Variants in NAALADL2 observed in about 807,000 individuals in gnomAD.
NAALADL2 encodes the protein N-acetylated alpha-linked acidic dipeptidase like 2.
A neutral mutation model predicts 87.2 loss-of-function variants in NAALADL2; 76 were observed. The observed-to-expected ratio is 0.87, with a 90% CI of 0.72 to 1.05. The LOEUF (loss-of-function observed/expected upper bound fraction) is 1.05, where lower values mean the gene tolerates loss of function less well. Ranked by LOEUF, NAALADL2 falls within the 50% of genes least tolerant of loss-of-function variation. The probability of loss-of-function intolerance (pLI) is 0.00; values close to 1 mark genes in which losing one functional copy is unlikely to be tolerated. For missense variants in NAALADL2, 1,089 were observed against 945.8 expected, an observed-to-expected ratio of 1.15 and a Z score of -1.99; for synonymous variants, 354 against 331.0, an observed-to-expected ratio of 1.07 and a Z score of -0.75.
intron 10 of NAALADL2, among the ~76,000 whole-genome samples, chr3:175,617,144 A>C (rs993314132): frequency 6.6e-6 from 1 of 152,104 alleles, no homozygotes. Context: ...CATTGGGAAA[A>C]ATATCAGGTT....
intron 1 of NAALADL2, among the ~76,000 whole-genome samples, chr3:174,888,351 G>T (rs1250498132): frequency 1.3e-5 from 2 of 151,926 alleles, no homozygotes; most frequent in Admixed American, 1.3e-4. Context: ...GACATGAGTT[G>T]ATTCCCATTT....
At chr3:175,102,643 T>C (rs1722410440) in intron 2 of NAALADL2, among the ~76,000 whole-genome samples, 1 of 152,162 alleles carries the variant, frequency 6.6e-6, no homozygotes, top group Admixed American at 6.5e-5. Context: ...AAATACAATC[T>C]CTAGAGATGT....
chr3:174,799,793 G>C (rs1718594430), intron 3 of NAALADL2, among the ~76,000 whole-genome samples: 1 of 152,186 alleles, frequency 6.6e-6, no homozygotes, highest in Non-Finnish European at 1.5e-5. Context: ...ACTTCCTAGA[G>C]ACTTGCTTAA....
At chr3:175,159,768 T>TTTCC (rs1333998791) in intron 2 of NAALADL2, among the ~76,000 whole-genome samples, 1 of 151,858 alleles carries the variant, frequency 6.6e-6, no homozygotes, top group Admixed American at 6.6e-5. Flanking sequence ...TAGCAAATGA[T>TTTCC]TTCCTTCCTT....
At chr3:175,059,734 A>G in intron 1 of NAALADL2, 2 of 304,676 alleles carry the variant, frequency 6.6e-6, no homozygotes, top group South Asian at 3.5e-5. Context: ...GATCAATGTC[A>G]TCATCATCTT....
chr3:175,688,361 A>G (rs1736596066), intron 11 of NAALADL2, among the ~76,000 whole-genome samples: 1 of 152,222 alleles, frequency 6.6e-6, no homozygotes, highest in Non-Finnish European at 1.5e-5. Context: ...TTATTGAATA[A>G]TATTGTGGAA....
chr3:175,562,196 GA>G (rs1393656779), intron 9 of NAALADL2, among the ~76,000 whole-genome samples: 19 of 152,134 alleles, frequency 1.2e-4, no homozygotes, highest in Admixed American at 9.8e-4. Flanking sequence ...ACTGGACTTA[GA>G]AACTATGGTG....
At chr3:175,216,081 G>T (rs1012273090) in intron 2 of NAALADL2, among the ~76,000 whole-genome samples, 1 of 152,116 alleles carries the variant, frequency 6.6e-6, no homozygotes, top group African/African-American at 2.4e-5. Context: ...TTTCTAGCAT[G>T]CCAATAATCT....
intron 1 of NAALADL2, among the ~76,000 whole-genome samples, chr3:174,510,745 G>T (rs538105076): frequency 3.3e-5 from 5 of 151,504 alleles, no homozygotes; most frequent in African/African-American, 1.2e-4. Flanking sequence ...TTATTTTAGG[G>T]TTCAATTTTT....
intron 1 of NAALADL2, among the ~76,000 whole-genome samples, chr3:174,498,363 T>C (rs898415337): frequency 6.6e-6 from 1 of 152,068 alleles, no homozygotes; most frequent in Non-Finnish European, 1.5e-5. Flanking sequence ...TAATCATTTA[T>C]GTTTAAAAAT....
chr3:175,742,553 A>G lies in NAALADL2; in HGVS notation c.1990+5154A>G, dbSNP rs969913356. On this transcript the variant is annotated intron_variant, in intron 12 of 13. Transcript: ENST00000454872. ...GCTGGGACTACAGGCGCCCACCACC[A>G]CACCCGGCTAATTTTTTGTATTTTT... 5.3e-5 allele frequency among the ~76,000 whole-genome samples: 8 copies of G among 151,778 alleles called. No individual in the cohort carries two copies. In the East Asian group the frequency reaches 7.8e-4, roughly 15 times the overall value.
At chr3:174,626,127 T>C (rs1429339907) in intron 2 of NAALADL2, among the ~76,000 whole-genome samples, 5 of 150,938 alleles carry the variant, frequency 3.3e-5, no homozygotes, top group South Asian at 2.1e-4. Context: ...CCAAAATGGG[T>C]ATCATGCACT....
chr3:175,560,768 C>A (rs576857132), intron 9 of NAALADL2, among the ~76,000 whole-genome samples: 5 of 152,098 alleles, frequency 3.3e-5, no homozygotes, highest in Non-Finnish European at 7.4e-5. Flanking sequence ...ATTACAGGCA[C>A]GCGCCATCAT....
At chr3:174,997,823 A>C (rs1747714463) in intron 1 of NAALADL2, among the ~76,000 whole-genome samples, 1 of 146,948 alleles carries the variant, frequency 6.8e-6, no homozygotes, top group Non-Finnish European at 1.5e-5. Context: ...TCTCAAAAAA[A>C]CCAAAAAGCA....
At chr3:175,495,122 T>A (rs1728641636) in intron 9 of NAALADL2, among the ~76,000 whole-genome samples, 1 of 149,924 alleles carries the variant, frequency 6.7e-6, no homozygotes, top group African/African-American at 2.5e-5. Flanking sequence ...TATTTCTAGA[T>A]CATGCTGGAG....
intron 9 of NAALADL2, among the ~76,000 whole-genome samples, chr3:175,503,550 A>G (rs145750237): frequency 1.8e-4 from 27 of 152,252 alleles, no homozygotes; most frequent in Middle Eastern, 6.8e-3. Flanking sequence ...GCCACTAGCA[A>G]TGTGTAAGTG....
chr3:174,997,022 GTGTGTGTGTGTGTGTGTA>G lies in NAALADL2; in HGVS notation c.44-99762_44-99745del, dbSNP rs1238773801. On this transcript the variant is annotated intron_variant, in intron 1 of 13. Coordinates refer to ENST00000454872, the MANE Select transcript of NAALADL2 (RefSeq NM_207015.3). ...TGTGTGTGTGTGTGTGTGTGTGTGTGTGTGTGTGTGTGTGTGTATGTGTATATATATATATATTTTTTT... is the reference window on the plus strand; with the variant it reads ...TGTGTGTGTGTGTGTGTGTGTGTGTGTGTGTATATATATATATATTTTTTT... Among the ~76,000 whole-genome samples the G allele has an allele frequency of 7.2e-5, 10 of 137,998 alleles. No individual in the cohort carries two copies. In the Admixed American group the frequency reaches 7.4e-4, roughly 10 times the overall value. The allele number at this position is 137,998 out of a possible 152,430, so 90.5% of individuals were successfully genotyped here.
intron 9 of NAALADL2, among the ~76,000 whole-genome samples, chr3:175,512,979 A>G (rs1015521266): frequency 7.9e-5 from 12 of 152,168 alleles, no homozygotes; most frequent in Non-Finnish European, 1.8e-4. Context: ...AGTGAAAAAA[A>G]CATATTCAGA....
chr3:174,876,313 CTTTG>C (rs1031992398), intron 1 of NAALADL2, among the ~76,000 whole-genome samples: 31 of 152,180 alleles, frequency 2.0e-4, no homozygotes, highest in African/African-American at 6.5e-4. Context: ...TTGATATTTT[CTTTG>C]TTTGTTTTTT....
Sources: gnomAD v4.1 joint callset for allele counts (sites outside exome capture counted in the v4.1 genomes callset) on GRCh38, gnomAD v4.1.1 for gene constraint, MANE v1.5 for transcripts, NCBI Gene and HGNC (gene_info 2026-07-23, HGNC 2026-07-21) for gene names.